Variants in ZBTB7C observed in about 807,000 individuals in gnomAD.
ZBTB7C encodes the protein zinc finger and BTB domain-containing protein 7C.
ZBTB7C carries 8 observed loss-of-function variants against 25.7 expected under a neutral mutation model. That is an observed-to-expected ratio of 0.31 (90% CI 0.18 to 0.56). The LOEUF (loss-of-function observed/expected upper bound fraction) is 0.56. Among genes scored for constraint, ZBTB7C ranks in the 20% least tolerant of loss-of-function variants. The pLI, the probability that ZBTB7C is intolerant of heterozygous loss-of-function variation, is 0.91. For synonymous variants in ZBTB7C, 394 were observed against 369.0 expected (o/e 1.07, Z -0.78); for missense variants, 824 against 855.2 (o/e 0.96, Z 0.46).
intron 1 of ZBTB7C, among the ~76,000 whole-genome samples, chr18:48,383,621 C>G (rs1024755686): frequency 1.3e-5 from 2 of 152,176 alleles, no homozygotes; most frequent in African/African-American, 4.8e-5. Context: ...ATATTTTTCA[C>G]TACATTTCTT....
chr18:48,123,749 A>G (rs979438888), intron 3 of ZBTB7C, among the ~76,000 whole-genome samples: 1 of 152,260 alleles, frequency 6.6e-6, no homozygotes, highest in African/African-American at 2.4e-5. Flanking sequence ...TCTGAGCAGT[A>G]TAAGAATGGT....
intron 3 of ZBTB7C, chr18:48,162,528 G>A (rs2041099707): frequency 1.7e-5 from 7 of 408,884 alleles, no homozygotes; most frequent in South Asian, 5.2e-5. Flanking sequence ...TTTGGCAGAG[G>A]GATGTATTGG....
At chr18:48,174,529 C>T (rs912021508) in intron 3 of ZBTB7C, among the ~76,000 whole-genome samples, 2 of 152,260 alleles carry the variant, frequency 1.3e-5, no homozygotes, top group East Asian at 1.9e-4. Context: ...AAACTACATC[C>T]TCTTCAACTT....
intron 2 of ZBTB7C, among the ~76,000 whole-genome samples, chr18:48,225,981 T>A (rs544603955): frequency 6.6e-6 from 1 of 152,298 alleles, no homozygotes; most frequent in East Asian, 1.9e-4. Flanking sequence ...GACCTCGCGA[T>A]CCACCCGCTT....
At chr18:48,363,328 G>A (rs1388235272) in intron 1 of ZBTB7C, among the ~76,000 whole-genome samples, 1 of 152,128 alleles carries the variant, frequency 6.6e-6, no homozygotes, top group Non-Finnish European at 1.5e-5. Context: ...AAAATGAGAA[G>A]TCCCGGAGTT....
chr18:48,044,575 G>A (rs1157405738), intron 3 of ZBTB7C, among the ~76,000 whole-genome samples: 1 of 152,260 alleles, frequency 6.6e-6, no homozygotes, highest in Non-Finnish European at 1.5e-5. Flanking sequence ...GAGGCCTCAA[G>A]TCTGAGCCAC....
Position 48,222,420 on chromosome 18 carries a change from G to A in ZBTB7C, c.-78-36425C>T, listed in dbSNP as rs1009801988. On this transcript the variant is annotated intron_variant, in intron 2 of 4. Transcript: ENST00000590800. ...TGGCCAAGGAGAGGAGAGTGTGGGA[G>A]GAACCACAGCCTTGTGTTGAGAGCA... 2.0e-5 allele frequency among the ~76,000 whole-genome samples: 3 copies of A among 152,286 alleles called. No homozygotes were observed. The East Asian group carries it at 5.8e-4, about 30-fold the overall frequency.
rs201354322 is a variant in ZBTB7C at position 48,193,473 on chromosome 18, C to CA, written c.-78-7479dup. 4.3e-3 allele frequency among the ~76,000 whole-genome samples: 646 copies of CA among 151,160 alleles called. 6 individuals are homozygous for CA. Among genetic ancestry groups the CA allele is most frequent in the African/African-American group, 0.014 (592 of 41,220 alleles). Reference sequence around the variant, plus strand: ...TTTGCATGCCTCTTGCTCCCCCATCCAAAAAAAAACCTGATTATAAGCCCC... The same window carrying CA: ...TTTGCATGCCTCTTGCTCCCCCATCCAAAAAAAAAACCTGATTATAAGCCCC... On this transcript the variant is annotated intron_variant, in intron 2 of 4. Coordinates refer to ENST00000590800, the MANE Select transcript of ZBTB7C (RefSeq NM_001318841.2).
chr18:48,268,921 C>T (rs905037565), intron 2 of ZBTB7C, among the ~76,000 whole-genome samples: 3 of 151,180 alleles, frequency 2.0e-5, no homozygotes, highest in Admixed American at 6.6e-5. Flanking sequence ...ATCAAGCCAC[C>T]AGCAGATTTG....
At position 48,027,647 on chromosome 18, in the gene ZBTB7C, C is replaced by T. The variant is rs967064620; in HGVS notation, c.*1613G>A. On this transcript the variant is annotated 3_prime_UTR_variant, in exon 5 of 5. Coordinates refer to ENST00000590800, the MANE Select transcript of ZBTB7C (RefSeq NM_001318841.2). ...GGACAGAGTCTGTGCTCTTCTCTGG[C>T]CTTTTTGTTTGTTGTGTTTTTGCTC... 2.0e-5 allele frequency: 3 copies of T among 152,166 alleles called. No homozygotes were observed. The highest frequency in any genetic ancestry group is 2.0e-4 in the Admixed American group (3 of 15,270). 9.4% of individuals were successfully genotyped at this position (152,166 alleles called of 1,614,324 possible).
intron 2 of ZBTB7C, among the ~76,000 whole-genome samples, chr18:48,238,810 T>C (rs2043447584): frequency 6.6e-6 from 1 of 152,186 alleles, no homozygotes; most frequent in Admixed American, 6.5e-5. Context: ...GAAGTGCAGA[T>C]ACCAGCAGAG....
At chr18:48,283,831 G>T (rs1297364448) in intron 2 of ZBTB7C, among the ~76,000 whole-genome samples, 1 of 152,136 alleles carries the variant, frequency 6.6e-6, no homozygotes, top group Non-Finnish European at 1.5e-5. Context: ...TAAATATCAT[G>T]ATCATGTTAT....
At chr18:48,182,430 T>G (rs764088130) in intron 3 of ZBTB7C, among the ~76,000 whole-genome samples, 62 of 152,204 alleles carry the variant, frequency 4.1e-4, no homozygotes, top group Non-Finnish European at 7.9e-4. Flanking sequence ...AGAAGGTAAG[T>G]GTCCGGTGTG....
Position 48,040,328 on chromosome 18 carries a change from C to G in ZBTB7C, c.780G>C (p.Trp260Cys), listed in dbSNP as rs1249981432. ...PFAPDFFPHLWPGDFGAFAQL... is the reference protein window; with the variant it reads ...PFAPDFFPHLCPGDFGAFAQL... ...GGGCAAAGGCACCGAAGTCCCCTGG[C>G]CAGAGGTGTGGAAAGAAGTCCGGGG... is the stretch of plus-strand genomic sequence containing the variant. Residue 260 changes from tryptophan (W) to cysteine (C), a missense_variant, in exon 4 of 5, where the codon TGG becomes TGC. Coordinates refer to ENST00000590800, the MANE Select transcript of ZBTB7C (RefSeq NM_001318841.2). The G allele has an allele frequency of 6.3e-7, 1 of 1,598,406 alleles. No homozygotes were observed. Among genetic ancestry groups the G allele is most frequent in the Admixed American group, 1.7e-5 (1 of 58,942 alleles).
At chr18:48,304,195 T>C (rs540611434) in intron 2 of ZBTB7C, among the ~76,000 whole-genome samples, 5 of 152,334 alleles carry the variant, frequency 3.3e-5, no homozygotes, top group African/African-American at 1.2e-4. Context: ...CTTCTAATGT[T>C]CTGATCCAGT....
At chr18:48,222,327 C>T (rs1294918263) in intron 2 of ZBTB7C, among the ~76,000 whole-genome samples, 1 of 152,224 alleles carries the variant, frequency 6.6e-6, no homozygotes, top group African/African-American at 2.4e-5. Flanking sequence ...CCACCAGCTG[C>T]ATCCTGCATG....
At chr18:48,212,383 T>C (rs1194658664) in intron 2 of ZBTB7C, among the ~76,000 whole-genome samples, 1 of 152,142 alleles carries the variant, frequency 6.6e-6, no homozygotes, top group Admixed American at 6.5e-5. Flanking sequence ...GAAACTGCTC[T>C]GTATGTTACT....
intron 3 of ZBTB7C, among the ~76,000 whole-genome samples, chr18:48,179,453 T>C (rs1474994761): frequency 2.0e-5 from 3 of 152,032 alleles, no homozygotes; most frequent in African/African-American, 7.2e-5. Context: ...GAGGCAGAGA[T>C]TCCTGGGGGC....
chr18:48,296,195 C>T (rs1186809652), intron 2 of ZBTB7C, among the ~76,000 whole-genome samples: 1 of 152,200 alleles, frequency 6.6e-6, no homozygotes, highest in African/African-American at 2.4e-5. Context: ...CCTGCTCAGG[C>T]CCCCTGGATG....
Sources: gnomAD v4.1 joint callset for allele counts (sites outside exome capture counted in the v4.1 genomes callset) on GRCh38, gnomAD v4.1.1 for gene constraint, MANE v1.5 for transcripts, NCBI Gene and HGNC (gene_info 2026-07-23, HGNC 2026-07-21) for gene names.